PAX5: variants seen among roughly 807,000 people sequenced by gnomAD.
The protein encoded by PAX5 is paired box 5, also known as paired box protein Pax-5.
PAX5 carries 9 observed loss-of-function variants against 43.7 expected under a neutral mutation model. The observed-to-expected ratio is 0.21, with a 90% CI of 0.12 to 0.36. The LOEUF is 0.36. PAX5 is among the 10% of genes least tolerant of loss of function. The probability of loss-of-function intolerance (pLI) is 1.00; values close to 1 mark genes in which losing one functional copy is unlikely to be tolerated. For synonymous variants in PAX5, 228 were observed against 214.3 expected (o/e 1.06, Z -0.56); for missense variants, 383 against 532.7 (o/e 0.72, Z 2.77).
chr9:36,939,963 C>T (rs1831906156), intron 6 of PAX5, among the ~76,000 whole-genome samples: 1 of 152,206 alleles, frequency 6.6e-6, no homozygotes, highest in South Asian at 2.1e-4. Flanking sequence ...GCTGGGGCTG[C>T]CTAGTCCCCT....
chr9:36,842,159 C>A (rs1822120519), intron 9 of PAX5, among the ~76,000 whole-genome samples: 2 of 152,222 alleles, frequency 1.3e-5, no homozygotes, highest in South Asian at 2.1e-4. Flanking sequence ...TCTGCCGCCT[C>A]TTCTGTCACC....
Position 36,846,949 on chromosome 9 carries a change from A to G in PAX5, c.1013-20T>C. 6.4e-7 allele frequency: 1 copy of G among 1,563,070 alleles called. No individual in the cohort carries two copies. The highest frequency in any genetic ancestry group is 8.8e-7 in the Non-Finnish European group (1 of 1,133,596). On this transcript the variant is annotated intron_variant, in intron 8 of 9. Coordinates refer to ENST00000358127, the MANE Select transcript of PAX5 (RefSeq NM_016734.3). ...CACTCCCTGTGTATGGTGGGTGGAG[A>G]GAGAAACAGGAACCAAACGTCAAAT...
At chr9:36,880,593 C>T (rs900104009) in intron 8 of PAX5, among the ~76,000 whole-genome samples, 19 of 152,206 alleles carry the variant, frequency 1.2e-4, no homozygotes, top group African/African-American at 4.3e-4. Context: ...GACAGGGTAT[C>T]GCTCTGTCGC....
intron 1 of PAX5, chr9:37,026,853 G>A (rs893477415): frequency 2.7e-6 from 1 of 377,232 alleles, no homozygotes; most frequent in Admixed American, 6.4e-5. Flanking sequence ...GCAGCTCCGG[G>A]CCCAGCCCGG....
rs865970705 is a variant in PAX5 at position 36,868,921 on chromosome 9, A to G, written c.1012+13083T>C. ...CAGCTGTGTGTCCCTTGATAACTCT[A>G]AAGCACCATGCAGGTTGGGGGTGGG... On this transcript the variant is annotated intron_variant, in intron 8 of 9. Coordinates refer to ENST00000358127, the MANE Select transcript of PAX5 (RefSeq NM_016734.3). 1.6e-4 allele frequency among the ~76,000 whole-genome samples: 24 copies of G among 152,148 alleles called. No individual in the cohort carries two copies. The South Asian group carries it at 4.2e-3, about 26-fold the overall frequency.
chr9:36,914,907 A>G (rs1429477631), intron 7 of PAX5, among the ~76,000 whole-genome samples: 7 of 152,254 alleles, frequency 4.6e-5, no homozygotes, highest in Non-Finnish European at 1.0e-4. Context: ...CATTGTTCAT[A>G]TCAATGAAAT....
chr9:36,851,215 A>T (rs867194256), intron 8 of PAX5, among the ~76,000 whole-genome samples: 2 of 152,134 alleles, frequency 1.3e-5, no homozygotes, highest in Non-Finnish European at 2.9e-5. Flanking sequence ...GGCCAAGGGG[A>T]CTGGGGATGT....
intron 5 of PAX5, among the ~76,000 whole-genome samples, chr9:36,982,782 T>C (rs1368866225): frequency 6.6e-6 from 1 of 152,178 alleles, no homozygotes; most frequent in Non-Finnish European, 1.5e-5. Flanking sequence ...CTTCTGTGTC[T>C]CCGGGTCAGG....
chr9:36,860,735 G>A lies in PAX5; in HGVS notation c.1013-13806C>T, dbSNP rs557307815. 6.6e-5 allele frequency: 10 copies of A among 152,302 alleles called. No homozygotes were observed. In the East Asian group the frequency reaches 1.4e-3, roughly 21 times the overall value. 9.4% of individuals were successfully genotyped at this position (152,302 alleles called of 1,614,324 possible). A position where few individuals can be genotyped will look rare whatever the true frequency, so the allele number is the denominator to read the frequency against. On this transcript the variant is annotated intron_variant, in intron 8 of 9. Coordinates refer to ENST00000358127, the MANE Select transcript of PAX5 (RefSeq NM_016734.3). ...CCTAAGGAGACTGGCTTCTAAGCAG[G>A]CAGCCACCATAAGCTAACCACTGAG...
At chr9:36,873,804 T>C (rs141150373) in intron 8 of PAX5, among the ~76,000 whole-genome samples, 294 of 152,308 alleles carry the variant, frequency 1.9e-3, no homozygotes, top group South Asian at 8.5e-3. Context: ...GTACTAATCA[T>C]AGGAAAGGTT....
At chr9:36,849,271 C>G (rs1421274987) in intron 8 of PAX5, among the ~76,000 whole-genome samples, 1 of 152,226 alleles carries the variant, frequency 6.6e-6, no homozygotes, top group Non-Finnish European at 1.5e-5. Context: ...CATGGGGAAG[C>G]CTTCCCTGAT....
Position 36,923,443 on chromosome 9 carries a change from C to T in PAX5, c.822G>A (p.Leu274=), listed in dbSNP as rs149708683. 7.8e-5 allele frequency: 126 copies of T among 1,612,506 alleles called. No individual in the cohort carries two copies. In the East Asian group the frequency reaches 2.8e-3, roughly 35 times the overall value. ...YSAMASLAGG[L]DDMKANLASP... ...TGGCCAGATTGGCCTTCATGTCGTC[C>T]AGCCCACCAGCCAGCGAGGCCATGG... Residue 274 remains leucine, a synonymous_variant, in exon 7 of 10, where the codon CTG becomes CTA. Coordinates refer to ENST00000358127, the MANE Select transcript of PAX5 (RefSeq NM_016734.3).
rs181109415 is a variant in PAX5 at position 36,999,631 on chromosome 9, G to T, written c.604+3017C>A. Among the ~76,000 whole-genome samples, 12 of 152,338 alleles carry T rather than the reference G, an allele frequency of 7.9e-5. No homozygotes were observed. In the East Asian group the frequency reaches 2.1e-3, roughly 27 times the overall value. ...TCCGAAAAATGGGCAAGGACCCTCAGCTGTCTTCCTCTTAGCTCTCCATTG... is the reference window on the plus strand; with the variant it reads ...TCCGAAAAATGGGCAAGGACCCTCATCTGTCTTCCTCTTAGCTCTCCATTG... On this transcript the variant is annotated intron_variant, in intron 5 of 9. Transcript: ENST00000358127.
At chr9:37,025,421 A>G (rs3758178) in intron 1 of PAX5, among the ~76,000 whole-genome samples, 69,356 of 147,654 alleles carry the variant, frequency 0.47, 16,773 homozygotes, top group African/African-American at 0.58. Flanking sequence ...GGCTGTTGGG[A>G]TGGGGGGGAG....
intron 6 of PAX5, among the ~76,000 whole-genome samples, chr9:36,929,277 G>GGAAGGAATGAAGGAAC (rs1554666319): frequency 1.3e-5 from 2 of 149,998 alleles, no homozygotes; most frequent in African/African-American, 5.0e-5. Flanking sequence ...AAGGAAGGAA[G>GGAAGGAATGAAGGAAC]GAAGGAAGGA....
At chr9:36,891,671 T>A (rs1563937614) in intron 7 of PAX5, among the ~76,000 whole-genome samples, 2 of 152,232 alleles carry the variant, frequency 1.3e-5, no homozygotes. Context: ...TTAAAGCGGA[T>A]CTGGCAGGCT....
intron 7 of PAX5, among the ~76,000 whole-genome samples, chr9:36,891,875 A>G (rs1827420107): frequency 6.6e-6 from 1 of 152,218 alleles, no homozygotes; most frequent in African/African-American, 2.4e-5. Flanking sequence ...TCCACTAACC[A>G]GGGAGCTGTT....
At chr9:37,002,567 C>T (rs1837985703) in intron 5 of PAX5, 81 bp downstream of exon 5, 5 of 1,503,024 alleles carry the variant, frequency 3.3e-6, no homozygotes, top group Admixed American at 3.8e-5. Context: ...TCGCGGGCAC[C>T]TCTGCTGCCA....
chr9:36,954,905 A>G (rs1018556280), intron 6 of PAX5, among the ~76,000 whole-genome samples: 1 of 149,836 alleles, frequency 6.7e-6, no homozygotes, highest in Non-Finnish European at 1.5e-5. Context: ...ATATTTCCCA[A>G]CTCTTTAGCT....
Sources: gnomAD v4.1 joint callset for allele counts (sites outside exome capture counted in the v4.1 genomes callset) on GRCh38, gnomAD v4.1.1 for gene constraint, MANE v1.5 for transcripts, NCBI Gene and HGNC (gene_info 2026-07-23, HGNC 2026-07-21) for gene names.